Variants in CDC20B observed in about 807,000 individuals in gnomAD.
CDC20B encodes cell division cycle 20B.
In CDC20B, 58 loss-of-function variants were observed where a neutral mutation model predicts 64.1. The observed-to-expected ratio is 0.90, with a 90% CI of 0.73 to 1.13. CDC20B has a LOEUF of 1.13. Among genes scored for constraint, CDC20B ranks in the 50% most tolerant of loss-of-function variants. The pLI is 0.00. For missense variants in CDC20B, 597 were observed against 633.0 expected (o/e 0.94, Z 0.61); for synonymous variants, 243 against 230.6 (o/e 1.05, Z -0.49).
intron 2 of CDC20B, 73 bp from the exon 3 acceptor site, chr5:55,146,929 A>ATTT: frequency 2.0e-6 from 2 of 1,023,630 alleles, no homozygotes; most frequent in Non-Finnish European, 3.0e-6. Flanking sequence ...CTATAAGAGA[A>ATTT]TTACAAATGA....
chr5:55,158,235 T>G (rs1275131248), intron 2 of CDC20B, among the ~76,000 whole-genome samples: 1 of 152,122 alleles, frequency 6.6e-6, no homozygotes, highest in Admixed American at 6.5e-5. Flanking sequence ...CAGATCCCAC[T>G]TAGAGAGCAA....
Position 55,173,029 on chromosome 5 carries a change from T to C in CDC20B, c.-29A>G, listed in dbSNP as rs761989942. ...CGGCTGACTTCGCCCTGCCTGGCGT[T>C]TGGCCTCTCTGCTCGACTGCCTCTG... On this transcript the variant is annotated 5_prime_UTR_variant, in exon 1 of 12. Transcript: ENST00000381375. 42 of 1,596,998 alleles carry C rather than the reference T, an allele frequency of 2.6e-5. No individual in the cohort carries two copies. The highest frequency in any genetic ancestry group is 3.5e-5 in the Non-Finnish European group (41 of 1,170,660).
intron 2 of CDC20B, among the ~76,000 whole-genome samples, chr5:55,156,196 C>T (rs765246334): frequency 1.2e-4 from 19 of 152,130 alleles, no homozygotes; most frequent in Non-Finnish European, 1.9e-4. Context: ...TTCACTACCA[C>T]AAGAACAGTA....
intron 2 of CDC20B, among the ~76,000 whole-genome samples, chr5:55,169,856 G>A (rs979421815): frequency 1.3e-5 from 2 of 152,230 alleles, no homozygotes; most frequent in Admixed American, 6.5e-5. Context: ...GCTCACGCCT[G>A]TAATCCCAGC....
intron 11 of CDC20B, among the ~76,000 whole-genome samples, chr5:55,117,059 T>G (rs181578355): frequency 2.6e-5 from 4 of 152,334 alleles, no homozygotes; most frequent in Non-Finnish European, 5.9e-5. Context: ...TTTCTGCAAC[T>G]ATAGTCATAA....
chr5:55,126,466 C>CAAAAAAAAAAA lies in CDC20B; in HGVS notation c.989+780_989+790dup, dbSNP rs34581363. 874 of 98,564 alleles carry CAAAAAAAAAAA rather than the reference C, an allele frequency of 8.9e-3. 82 individuals carry two copies. The highest frequency in any genetic ancestry group is 0.049 in the African/African-American group (781 of 16,100). The allele number at this position is 98,564 out of a possible 1,614,324, so 6.1% of individuals were successfully genotyped here. A position where few individuals can be genotyped will look rare whatever the true frequency, so the allele number is the denominator to read the frequency against. ...TAGGTGACAGAGTGAGATTCCATGT[C>CAAAAAAAAAAA]AAAAAAAAAAAAAAAAAAAAACAGT... On this transcript the variant is annotated intron_variant, in intron 8 of 11. Transcript: ENST00000381375.
intron 2 of CDC20B, among the ~76,000 whole-genome samples, chr5:55,167,366 C>T (rs559263900): frequency 4.6e-5 from 7 of 152,186 alleles, no homozygotes; most frequent in African/African-American, 4.8e-5. Context: ...AGTATATATA[C>T]GTGTACATAT....
chr5:55,140,266 C>T (rs1561293493), intron 5 of CDC20B, 48 bp downstream of exon 5: 3 of 1,061,312 alleles, frequency 2.8e-6, no homozygotes, highest in Non-Finnish European at 4.1e-6. Context: ...ATGAAGGAGG[C>T]AGAGAGAGAG....
intron 7 of CDC20B, among the ~76,000 whole-genome samples, 195 bp downstream of exon 7, chr5:55,128,226 G>A (rs1742940789): frequency 7.1e-6 from 1 of 140,632 alleles, no homozygotes; most frequent in Non-Finnish European, 1.5e-5. Context: ...AAACTAACCA[G>A]AGTATCCTTA....
intron 2 of CDC20B, among the ~76,000 whole-genome samples, chr5:55,148,016 G>A (rs1743545287): frequency 1.3e-5 from 2 of 152,178 alleles, no homozygotes; most frequent in South Asian, 4.1e-4. Flanking sequence ...AAATTAAAAT[G>A]CAAGTGACAA....
chr5:55,154,101 G>A (rs369630438), intron 2 of CDC20B, among the ~76,000 whole-genome samples: 1 of 152,162 alleles, frequency 6.6e-6, no homozygotes, highest in South Asian at 2.1e-4. Context: ...GTCAGGATTC[G>A]AACCCTGAGT....
chr5:55,146,481 C>A, intron 3 of CDC20B, 147 bp downstream of exon 3: 1 of 612,316 alleles, frequency 1.6e-6, no homozygotes, highest in Non-Finnish European at 2.9e-6. Flanking sequence ...TTTCTCCCCA[C>A]CTTGGAAATT....
At position 55,120,636 on chromosome 5, in the gene CDC20B, T is replaced by A. The variant is rs1742735293; in HGVS notation, c.1216-86A>T. 3 of 1,517,940 alleles carry A rather than the reference T, an allele frequency of 2.0e-6. No individual in the cohort carries two copies. In the East Asian group the frequency reaches 7.0e-5, roughly 35 times the overall value. The allele number at this position is 1,517,940 out of a possible 1,614,324, so 94.0% of individuals were successfully genotyped here. A position where few individuals can be genotyped will look rare whatever the true frequency, so the allele number is the denominator to read the frequency against. ...GTGATGCACTTAGGTAAGCAGCAAG[T>A]CCCCACGTCTGCACCTGTCACAGCT... On this transcript the variant is annotated intron_variant, in intron 9 of 11. Transcript: ENST00000381375.
chr5:55,145,090 G>A (rs757429256), intron 3 of CDC20B, among the ~76,000 whole-genome samples: 1 of 152,252 alleles, frequency 6.6e-6, no homozygotes, highest in South Asian at 2.1e-4. Flanking sequence ...TAAGAACCTA[G>A]AAAGTAAAAG....
intron 2 of CDC20B, chr5:55,160,285 G>A: frequency 6.2e-7 from 1 of 1,613,424 alleles, no homozygotes; most frequent in African/African-American, 1.3e-5. Flanking sequence ...GCACAGTAAC[G>A]CTATTTCTTC....
chr5:55,121,402 C>T (rs2937585), intron 9 of CDC20B, among the ~76,000 whole-genome samples: 148,117 of 152,310 alleles, frequency 0.97, 72,055 homozygotes, highest in East Asian at 1. Context: ...TCCATCGTGT[C>T]GTTATATCCT....
intron 9 of CDC20B, 124 bp downstream of exon 9, chr5:55,124,679 C>G (rs1414912249): frequency 1.1e-6 from 1 of 876,524 alleles, no homozygotes; most frequent in African/African-American, 1.7e-5. Context: ...ATGACAAACT[C>G]CAAAGCAAAT....
intron 2 of CDC20B, among the ~76,000 whole-genome samples, chr5:55,156,745 G>A (rs566060557): frequency 2.6e-4 from 40 of 152,152 alleles, no homozygotes; most frequent in African/African-American, 6.0e-4. Flanking sequence ...ATTTTGGCGC[G>A]TGCCTGTAGT....
chr5:55,115,882 A>ACACACACACACGCACACACACAC (rs986046943), intron 11 of CDC20B, among the ~76,000 whole-genome samples: 4 of 152,296 alleles, frequency 2.6e-5, no homozygotes, highest in Admixed American at 2.6e-4. Flanking sequence ...GCGCAAGCAC[A>ACACACACACACGCACACACACAC]CACACACACA....
Sources: allele counts gnomAD v4.1 joint callset (sites outside exome capture counted in the v4.1 genomes callset), GRCh38; gene constraint gnomAD v4.1.1; transcripts MANE v1.5; gene names NCBI Gene and HGNC (gene_info 2026-07-23, HGNC 2026-07-21).